Variants in ATP8A2 observed in about 807,000 individuals in gnomAD.
The protein encoded by ATP8A2 is phospholipid-transporting ATPase IB.
In ATP8A2, 100 loss-of-function variants were observed where a neutral mutation model predicts 165.6. The ratio of observed to expected loss-of-function variants is 0.60; its 90% CI spans 0.51 to 0.71. The LOEUF (loss-of-function observed/expected upper bound fraction) is 0.71, where lower values mean the gene tolerates loss of function less well. ATP8A2 is among the 30% of genes least tolerant of loss of function. The pLI is 0.00. For missense variants in ATP8A2, 1,227 were observed against 1,479.5 expected (o/e 0.83, Z 2.80); for synonymous variants, 543 against 548.8 (o/e 0.99, Z 0.15).
chr13:25,612,113 T>A (rs1164754188), intron 24 of ATP8A2, among the ~76,000 whole-genome samples: 1 of 152,020 alleles, frequency 6.6e-6, no homozygotes, highest in Non-Finnish European at 1.5e-5. Flanking sequence ...ATCTTTTGTA[T>A]TTTTTTGTTT....
intron 25 of ATP8A2, among the ~76,000 whole-genome samples, chr13:25,724,704 G>T (rs2043456198): frequency 6.6e-6 from 1 of 152,182 alleles, no homozygotes; most frequent in Non-Finnish European, 1.5e-5. Flanking sequence ...GTAAGGAAGA[G>T]AAATAAATCC....
intron 25 of ATP8A2, among the ~76,000 whole-genome samples, chr13:25,716,562 T>A (rs1195144321): frequency 6.6e-6 from 1 of 152,228 alleles, no homozygotes; most frequent in Non-Finnish European, 1.5e-5. Context: ...CAGCACCATT[T>A]GTTGAAGAGA....
intron 27 of ATP8A2, among the ~76,000 whole-genome samples, chr13:25,802,372 G>A (rs1950639812): frequency 6.6e-6 from 1 of 152,052 alleles, no homozygotes; most frequent in African/African-American, 2.4e-5. Context: ...ATTGAAAGAT[G>A]GGATGACTAA....
At chr13:25,815,491 A>G (rs1303149024) in intron 27 of ATP8A2, among the ~76,000 whole-genome samples, 1 of 152,212 alleles carries the variant, frequency 6.6e-6, no homozygotes, top group African/African-American at 2.4e-5. Context: ...ACACTGAGAT[A>G]CCACTTCATA....
chr13:25,642,010 C>G (rs1364101980), intron 24 of ATP8A2, among the ~76,000 whole-genome samples: 1 of 152,160 alleles, frequency 6.6e-6, no homozygotes, highest in Non-Finnish European at 1.5e-5. Flanking sequence ...AAAGGATTCC[C>G]TATTTAATAA....
intron 10 of ATP8A2, among the ~76,000 whole-genome samples, chr13:25,548,831 C>T (rs2038731105): frequency 6.6e-6 from 1 of 152,200 alleles, no homozygotes; most frequent in South Asian, 2.1e-4. Context: ...TACAATCCCC[C>T]AACTCCTCTG....
At chr13:25,942,085 TG>T (rs1327455742) in intron 33 of ATP8A2, among the ~76,000 whole-genome samples, 6 of 152,208 alleles carry the variant, frequency 3.9e-5, no homozygotes, top group Non-Finnish European at 8.8e-5. Flanking sequence ...TCCTCAACAC[TG>T]GGTTTAAAAA....
At chr13:25,625,663 T>A (rs1219690085) in intron 24 of ATP8A2, among the ~76,000 whole-genome samples, 2 of 152,214 alleles carry the variant, frequency 1.3e-5, no homozygotes, top group Non-Finnish European at 2.9e-5. Context: ...TTGTTAACAC[T>A]TCATTCCACA....
intron 2 of ATP8A2, among the ~76,000 whole-genome samples, chr13:25,487,956 TTAGG>T (rs2036404013): frequency 6.6e-6 from 1 of 152,152 alleles, no homozygotes; most frequent in Non-Finnish European, 1.5e-5. Context: ...GTGAATGACC[TTAGG>T]TCAAGTCCAT....
At chr13:25,883,919 G>A (rs1032939869) in intron 33 of ATP8A2, among the ~76,000 whole-genome samples, 10 of 152,194 alleles carry the variant, frequency 6.6e-5, no homozygotes, top group African/African-American at 2.4e-4. Context: ...CTTAGGAGAG[G>A]TGATTTAAAA....
At position 25,372,159 on chromosome 13, in the gene ATP8A2, T is replaced by G. The variant is rs1375792552; in HGVS notation, c.-54T>G. ...GGGCGGCGGCCCCTGCGCCCAGCCCTGCGCGTAGCCTCCGTCTCTCGCCCG... is the reference window on the plus strand; with the variant it reads ...GGGCGGCGGCCCCTGCGCCCAGCCCGGCGCGTAGCCTCCGTCTCTCGCCCG... On this transcript the variant is annotated 5_prime_UTR_variant, in exon 1 of 37. Coordinates refer to ENST00000381655, the MANE Select transcript of ATP8A2 (RefSeq NM_016529.6). This position sits in a 1 kb window ranked among gnomAD's most constrained non-coding sequence, Gnocchi z 4.8. 7.6e-7 allele frequency: 1 copy of G among 1,314,682 alleles called. No homozygotes were observed. Among genetic ancestry groups the G allele is most frequent in the African/African-American group, 1.5e-5 (1 of 65,166 alleles). 81.4% of individuals were successfully genotyped at this position (1,314,682 alleles called of 1,614,324 possible).
chr13:25,568,023 T>C (rs939168276), intron 16 of ATP8A2, among the ~76,000 whole-genome samples: 4 of 152,226 alleles, frequency 2.6e-5, no homozygotes, highest in African/African-American at 7.2e-5. Context: ...AATTAAAACA[T>C]TTGGTCCAAG....
At chr13:25,686,320 G>T (rs2042600502) in intron 24 of ATP8A2, among the ~76,000 whole-genome samples, 1 of 152,200 alleles carries the variant, frequency 6.6e-6, no homozygotes. Flanking sequence ...ATGATGCAGT[G>T]CTCCAAGGAG....
At chr13:25,795,279 T>G (rs953151041) in intron 27 of ATP8A2, among the ~76,000 whole-genome samples, 1 of 152,218 alleles carries the variant, frequency 6.6e-6, no homozygotes, top group Non-Finnish European at 1.5e-5. Context: ...ATTTTTGAGT[T>G]TTAAGAAGAT....
chr13:25,417,051 A>G (rs1452630601), intron 1 of ATP8A2, among the ~76,000 whole-genome samples: 3 of 151,868 alleles, frequency 2.0e-5, no homozygotes, highest in East Asian at 3.9e-4. Context: ...AGAACACTGG[A>G]TTCCAGATCA....
At chr13:25,860,974 T>C in intron 32 of ATP8A2, 114 bp downstream of exon 32, 1 of 763,038 alleles carries the variant, frequency 1.3e-6, no homozygotes, top group Admixed American at 2.5e-5. Context: ...CTTTCAGATT[T>C]TCTGTGTAAA....
At chr13:25,912,622 G>A (rs539166175) in intron 33 of ATP8A2, among the ~76,000 whole-genome samples, 3 of 152,240 alleles carry the variant, frequency 2.0e-5, no homozygotes, top group East Asian at 1.9e-4. Context: ...CATTGTATTC[G>A]TGAATCATGG....
intron 24 of ATP8A2, among the ~76,000 whole-genome samples, chr13:25,596,305 G>C (rs529907044): frequency 6.6e-6 from 1 of 152,250 alleles, no homozygotes; most frequent in East Asian, 1.9e-4. Flanking sequence ...GCTCTATTGA[G>C]ATACAGTTTA....
At chr13:25,478,899 G>A (rs1364114810) in intron 2 of ATP8A2, among the ~76,000 whole-genome samples, 1 of 151,714 alleles carries the variant, frequency 6.6e-6, no homozygotes, top group African/African-American at 2.4e-5. Flanking sequence ...CCAGGCTGGA[G>A]GGCAGTGGCG....
Sources: allele counts gnomAD v4.1 joint callset (sites outside exome capture counted in the v4.1 genomes callset), GRCh38; gene constraint gnomAD v4.1.1; non-coding constraint Gnocchi (gnomAD v3.1); transcripts MANE v1.5; gene names NCBI Gene and HGNC (gene_info 2026-07-23, HGNC 2026-07-21).